The following ABHD12 variants were observed in gnomAD, a reference collection of about 807,000 sequenced individuals.
ABHD12 encodes abhydrolase domain containing 12, lysophospholipase, also known as lysophosphatidylserine lipase ABHD12.
In ABHD12, 43 loss-of-function variants were observed where a neutral mutation model predicts 58.3. The ratio of observed to expected loss-of-function variants is 0.74; its 90% CI spans 0.58 to 0.95. The LOEUF is 0.95. ABHD12 is among the 40% of genes least tolerant of loss of function. The pLI is 0.00. For missense variants in ABHD12, 539 were observed against 537.2 expected (o/e 1.00, Z -0.03); for synonymous variants, 219 against 211.2 (o/e 1.04, Z -0.32).
chr20:25,352,041 G>A (rs2089607192), intron 1 of ABHD12, among the ~76,000 whole-genome samples: 1 of 152,122 alleles, frequency 6.6e-6, no homozygotes, highest in South Asian at 2.1e-4. Context: ...GCCCAGGCTG[G>A]AGTGCAATGG....
intron 1 of ABHD12, among the ~76,000 whole-genome samples, chr20:25,370,667 G>A (rs753702284): frequency 1.3e-5 from 2 of 152,096 alleles, no homozygotes; most frequent in Non-Finnish European, 2.9e-5. Flanking sequence ...GCGACCCTGG[G>A]CAAGCTACTT....
chr20:25,329,948 T>C (rs1322019398), intron 2 of ABHD12, among the ~76,000 whole-genome samples: 1 of 151,984 alleles, frequency 6.6e-6, no homozygotes, highest in Non-Finnish European at 1.5e-5. Context: ...TGGAATTGTG[T>C]TGAGGGAGGA....
At chr20:25,388,914 CCCGCCTCAG>C (rs963213737) in intron 1 of ABHD12, among the ~76,000 whole-genome samples, 1 of 150,048 alleles carries the variant, frequency 6.7e-6, no homozygotes, top group African/African-American at 2.4e-5. Flanking sequence ...AAGCGATTCT[CCCGCCTCAG>C]CCTCCCGAGT....
chr20:25,378,681 C>T (rs1041811358), intron 1 of ABHD12, among the ~76,000 whole-genome samples: 1 of 147,716 alleles, frequency 6.8e-6, no homozygotes, highest in Non-Finnish European at 1.5e-5. Context: ...CTGATAAGAA[C>T]TGAAGATAAT....
intron 1 of ABHD12, among the ~76,000 whole-genome samples, chr20:25,375,808 G>C (rs2089955268): frequency 6.6e-6 from 1 of 152,174 alleles, no homozygotes; most frequent in African/African-American, 2.4e-5. Context: ...AGTAGTGGAA[G>C]TTCTATGTTT....
intron 1 of ABHD12, among the ~76,000 whole-genome samples, chr20:25,350,963 A>T (rs1227600698): frequency 6.8e-4 from 2 of 2,962 alleles, no homozygotes; most frequent in South Asian, 7.8e-3. Flanking sequence ...AATCCTTCAC[A>T]CACACACACA....
chr20:25,386,243 T>C (rs2090088661), intron 1 of ABHD12, among the ~76,000 whole-genome samples: 1 of 151,338 alleles, frequency 6.6e-6, no homozygotes, highest in Non-Finnish European at 1.5e-5. Flanking sequence ...TCACAAATGA[T>C]GTAAAATTTC....
intron 1 of ABHD12, among the ~76,000 whole-genome samples, chr20:25,371,584 C>T (rs2089900529): frequency 6.6e-6 from 1 of 152,114 alleles, no homozygotes; most frequent in African/African-American, 2.4e-5. Flanking sequence ...TGGGGACTGA[C>T]CTAATATTGC....
At chr20:25,371,761 C>G (rs2089902486) in intron 1 of ABHD12, among the ~76,000 whole-genome samples, 1 of 152,162 alleles carries the variant, frequency 6.6e-6, no homozygotes, top group Non-Finnish European at 1.5e-5. Context: ...GGATCCCAAG[C>G]TGGTCTCGAA....
At chr20:25,385,989 T>G (rs6083826) in intron 1 of ABHD12, among the ~76,000 whole-genome samples, 81,822 of 151,166 alleles carry the variant, frequency 0.54, 22,707 homozygotes, top group Admixed American at 0.61. Context: ...TAGTCCCAGC[T>G]ACTTGGGAGG....
intron 7 of ABHD12, 103 bp downstream of exon 7, chr20:25,309,343 T>G: frequency 4.5e-6 from 7 of 1,561,098 alleles, no homozygotes; most frequent in Non-Finnish European, 6.1e-6. Flanking sequence ...GGACTAATGG[T>G]GCCACAGGGT....
At chr20:25,345,840 G>A (rs1435442238) in intron 1 of ABHD12, among the ~76,000 whole-genome samples, 1 of 152,172 alleles carries the variant, frequency 6.6e-6, no homozygotes, top group Non-Finnish European at 1.5e-5. Context: ...CAGTGGGAAT[G>A]CAAACATGGT....
chr20:25,306,282 AAAACTATGTTATTTT>A (rs1178266674), intron 10 of ABHD12, among the ~76,000 whole-genome samples: 1 of 152,220 alleles, frequency 6.6e-6, no homozygotes, highest in Non-Finnish European at 1.5e-5. Context: ...TCTATGGACA[AAAACTATGTTATTTT>A]AATATTGCTT....
At chr20:25,356,990 CACAG>C (rs2089677567) in intron 1 of ABHD12, among the ~76,000 whole-genome samples, 1 of 152,150 alleles carries the variant, frequency 6.6e-6, no homozygotes, top group African/African-American at 2.4e-5. Context: ...CAAAGAAAGA[CACAG>C]TAAACTGAAC....
intron 1 of ABHD12, among the ~76,000 whole-genome samples, chr20:25,346,246 C>T (rs1568747320): frequency 6.6e-6 from 1 of 152,128 alleles, no homozygotes; most frequent in Non-Finnish European, 1.5e-5. Flanking sequence ...CTATATGACT[C>T]CAACTATATG....
intron 1 of ABHD12, among the ~76,000 whole-genome samples, chr20:25,343,502 C>T (rs988837880): frequency 1.1e-4 from 17 of 152,084 alleles, no homozygotes; most frequent in Admixed American, 1.1e-3. Flanking sequence ...GCCTGGGCAA[C>T]ATCTTCAAAA....
At chr20:25,311,278 G>C (rs1375355901) in intron 6 of ABHD12, among the ~76,000 whole-genome samples, 1 of 152,156 alleles carries the variant, frequency 6.6e-6, no homozygotes, top group Non-Finnish European at 1.5e-5. Flanking sequence ...TAACCACAAG[G>C]GTCCTCATCA....
chr20:25,322,381 A>ATATATATATTTTTTTTT, intron 3 of ABHD12, among the ~76,000 whole-genome samples: 10 of 59,266 alleles, frequency 1.7e-4, no homozygotes, highest in Admixed American at 8.4e-4. Context: ...ATATATATAT[A>ATATATATATTTTTTTTT]TTTTTTTTTT....
chr20:25,329,007 G>GCGCAGGGTCACAGGATCCA (rs2089222626), intron 2 of ABHD12, among the ~76,000 whole-genome samples: 3 of 152,222 alleles, frequency 2.0e-5, no homozygotes, highest in Non-Finnish European at 2.9e-5. Flanking sequence ...GGGTTGGCGT[G>GCGCAGGGTCACAGGATCCA]CGCAGGGTCA....
Sources: gnomAD v4.1 joint callset for allele counts (sites outside exome capture counted in the v4.1 genomes callset) on GRCh38, gnomAD v4.1.1 for gene constraint, MANE v1.5 for transcripts, NCBI Gene and HGNC (gene_info 2026-07-23, HGNC 2026-07-21) for gene names.